PDE4D: variants seen among roughly 807,000 people sequenced by gnomAD.
PDE4D encodes phosphodiesterase 4D, also known as 3',5'-cyclic-AMP phosphodiesterase 4D.
Under a neutral mutation model 87.4 loss-of-function variants are expected in PDE4D, and 24 were observed. That is an observed-to-expected ratio of 0.27 (90% CI 0.20 to 0.39). The LOEUF is 0.39. Ranked by LOEUF, PDE4D falls within the 10% of genes least tolerant of loss-of-function variation. The pLI is 1.00. For synonymous variants in PDE4D, 384 were observed against 383.2 expected (o/e 1.00, Z -0.02); for missense variants, 714 against 1,041.0 (o/e 0.69, Z 4.32).
chr5:59,023,470 A>C (rs2153378325), intron 6 of PDE4D, among the ~76,000 whole-genome samples: 1 of 18,254 alleles, frequency 5.5e-5, no homozygotes. Context: ...GTCTCTACAA[A>C]AAAAAAAAAA....
intron 1 of PDE4D, among the ~76,000 whole-genome samples, chr5:59,475,337 C>T (rs1803138835): frequency 6.6e-6 from 1 of 151,928 alleles, no homozygotes; most frequent in African/African-American, 2.4e-5. Context: ...GGTCTCTAAC[C>T]CCAAATAAGG....
chr5:59,343,323 C>T (rs1451001892), intron 1 of PDE4D, among the ~76,000 whole-genome samples: 1 of 152,094 alleles, frequency 6.6e-6, no homozygotes, highest in African/African-American at 2.4e-5. Flanking sequence ...TCCCCAATCC[C>T]TCCTGTTCCC....
At chr5:59,079,357 G>T (rs1204505869) in intron 5 of PDE4D, among the ~76,000 whole-genome samples, 1 of 152,108 alleles carries the variant, frequency 6.6e-6, no homozygotes, top group Admixed American at 6.6e-5. Flanking sequence ...GAAAAAGCAT[G>T]CATAATTTCA....
intron 11 of PDE4D, among the ~76,000 whole-genome samples, chr5:58,982,195 C>T (rs4621516): frequency 0.82 from 124,035 of 152,164 alleles, 50,723 homozygotes; most frequent in Admixed American, 0.88. Flanking sequence ...CCAATGATTC[C>T]TGGACCCATG....
At chr5:59,516,672 G>GA (rs1811212439) in intron 1 of PDE4D, among the ~76,000 whole-genome samples, 1 of 151,754 alleles carries the variant, frequency 6.6e-6, no homozygotes, top group South Asian at 2.1e-4. Flanking sequence ...AAATCAATCA[G>GA]AAAAAAGAGT....
chr5:59,320,139 G>T (rs1774451570), intron 1 of PDE4D, among the ~76,000 whole-genome samples: 1 of 152,024 alleles, frequency 6.6e-6, no homozygotes, highest in Non-Finnish European at 1.5e-5. Flanking sequence ...TAATAGCCAG[G>T]CTTCCAAATG....
At chr5:60,330,495 G>A (rs1757224723) in intron 1 of PDE4D, among the ~76,000 whole-genome samples, 1 of 152,158 alleles carries the variant, frequency 6.6e-6, no homozygotes, top group Admixed American at 6.5e-5. Context: ...TGATAAGTGG[G>A]GGTGAGCGGA....
At chr5:59,705,753 G>A (rs1424554076) in intron 1 of PDE4D, among the ~76,000 whole-genome samples, 1 of 152,060 alleles carries the variant, frequency 6.6e-6, no homozygotes, top group Non-Finnish European at 1.5e-5. Flanking sequence ...TACATGTTAT[G>A]GTATTTATTC....
chr5:59,355,024 T>C (rs1781148379), intron 1 of PDE4D, among the ~76,000 whole-genome samples: 1 of 152,208 alleles, frequency 6.6e-6, no homozygotes. Context: ...AACTGACTCA[T>C]GATGGATATT....
At chr5:60,366,276 C>A (rs1760533717) in intron 1 of PDE4D, among the ~76,000 whole-genome samples, 1 of 151,898 alleles carries the variant, frequency 6.6e-6, no homozygotes, top group South Asian at 2.1e-4. Context: ...CTAAGCTAAG[C>A]TCTTTATGTT....
At chr5:59,363,297 A>T (rs955521738) in intron 1 of PDE4D, among the ~76,000 whole-genome samples, 3 of 152,142 alleles carry the variant, frequency 2.0e-5, no homozygotes, top group African/African-American at 7.2e-5. Flanking sequence ...CCTCATAATA[A>T]TTTATCTGTG....
intron 3 of PDE4D, among the ~76,000 whole-genome samples, chr5:59,933,793 A>ATATATATAT (rs1343398649): frequency 8.1e-4 from 29 of 35,624 alleles, no homozygotes; most frequent in African/African-American, 4.4e-3. Context: ...TATATATATT[A>ATATATATAT]ATAAGCATTC....
intron 2 of PDE4D, among the ~76,000 whole-genome samples, chr5:60,092,178 C>T (rs1330066164): frequency 3.3e-5 from 5 of 149,308 alleles, no homozygotes; most frequent in Admixed American, 6.7e-5. Context: ...GAGTATATTA[C>T]GTTAAGCGAT....
At chr5:60,442,859 C>A (rs866980201) in intron 1 of PDE4D, among the ~76,000 whole-genome samples, 1 of 151,950 alleles carries the variant, frequency 6.6e-6, no homozygotes, top group South Asian at 2.1e-4. Context: ...TTAAATTATA[C>A]GGAATTTCTA....
chr5:60,110,244 A>G (rs1777534416), intron 2 of PDE4D, among the ~76,000 whole-genome samples: 1 of 152,158 alleles, frequency 6.6e-6, no homozygotes, highest in South Asian at 2.1e-4. Context: ...AACCTGTAGA[A>G]TGGGAGAAAA....
chr5:60,406,093 A>T lies in PDE4D; in HGVS notation c.-90+81849T>A, dbSNP rs139665314. ...ATTTCCATTCTCATCATTGGAAAAA[A>T]AATAATAAAGATATTTCCTGCTAAA... On this transcript the variant is annotated intron_variant, in intron 1 of 16. Transcript: ENST00000502484. 6.5e-3 allele frequency among the ~76,000 whole-genome samples: 989 copies of T among 152,300 alleles called. 10 individuals carry two copies. Among genetic ancestry groups the T allele is most frequent in the African/African-American group, 0.022 (935 of 41,564 alleles).
chr5:59,939,618 A>T (rs1011376737), intron 3 of PDE4D, among the ~76,000 whole-genome samples: 2 of 152,132 alleles, frequency 1.3e-5, no homozygotes, highest in Admixed American at 1.3e-4. Flanking sequence ...TGTTACAAAG[A>T]CAAACGAAGG....
chr5:60,084,405 T>TGTGTGC (rs1554150173), intron 2 of PDE4D, among the ~76,000 whole-genome samples: 4 of 125,662 alleles, frequency 3.2e-5, no homozygotes, highest in African/African-American at 1.2e-4. Context: ...TGTGTGTGTG[T>TGTGTGC]GCGCGCGCGC....
At chr5:59,170,727 T>C (rs944538522) in intron 5 of PDE4D, among the ~76,000 whole-genome samples, 4 of 152,178 alleles carry the variant, frequency 2.6e-5, no homozygotes, top group African/African-American at 9.7e-5. Context: ...ATTATTAAAA[T>C]TTTCTCAAAA....
Sources: allele counts gnomAD v4.1 joint callset (sites outside exome capture counted in the v4.1 genomes callset), GRCh38; gene constraint gnomAD v4.1.1; transcripts MANE v1.5; gene names NCBI Gene and HGNC (gene_info 2026-07-23, HGNC 2026-07-21).